The following TRMT1L variants were observed in gnomAD, a reference collection of about 807,000 sequenced individuals.
TRMT1L encodes tRNA methyltransferase 1L, also known as tRNA (guanine(27)-N(2))-dimethyltransferase.
A neutral mutation model predicts 81.6 loss-of-function variants in TRMT1L; 28 were observed. The ratio of observed to expected loss-of-function variants is 0.34; its 90% confidence interval spans 0.25 to 0.47. The LOEUF is 0.47. Ranked by LOEUF, TRMT1L falls within the 20% of genes least tolerant of loss-of-function variation. The pLI is 1.00. For missense variants in TRMT1L, 739 were observed against 877.1 expected (o/e 0.84, Z 1.99); for synonymous variants, 301 against 303.2 (o/e 0.99, Z 0.07).
intron 10 of TRMT1L, among the ~76,000 whole-genome samples, chr1:185,134,769 A>T (rs1652855836): frequency 1.3e-5 from 2 of 152,244 alleles, no homozygotes; most frequent in South Asian, 4.1e-4. Context: ...GGCAAAGAAA[A>T]GCTTTGAACA....
intron 1 of TRMT1L, among the ~76,000 whole-genome samples, chr1:185,153,276 A>C (rs764895926): frequency 9.9e-5 from 15 of 152,208 alleles, no homozygotes; most frequent in Non-Finnish European, 2.1e-4. Flanking sequence ...GGTAGGGGAT[A>C]CATTCCCTAC....
chr1:185,156,376 C>T (rs1653564761), intron 1 of TRMT1L, 102 bp downstream of exon 1: 4 of 1,611,524 alleles, frequency 2.5e-6, no homozygotes, highest in Non-Finnish European at 3.4e-6. Flanking sequence ...CTAAACCTGC[C>T]TTGCCCCATA....
At chr1:185,126,804 C>A (rs1652642289) in intron 11 of TRMT1L, among the ~76,000 whole-genome samples, 1 of 152,084 alleles carries the variant, frequency 6.6e-6, no homozygotes, top group Non-Finnish European at 1.5e-5. Flanking sequence ...CAAGACCAGC[C>A]TGGCCAACAT....
chr1:185,143,387 A>C lies in TRMT1L; in HGVS notation c.829T>G (p.Leu277Val), dbSNP rs1653101067. The C allele has an allele frequency of 3.7e-6, 6 of 1,610,664 alleles. No homozygotes were observed. Among genetic ancestry groups the C allele is most frequent in the Non-Finnish European group, 5.1e-6 (6 of 1,178,092 alleles). The change falls in exon 7 of 15, where the codon TTG becomes GTG. Residue 277 changes from leucine to valine, a missense_variant. Leu to Val is a conservative substitution (Grantham distance 32). This residue lies in a region of TRMT1L where 331 missense variants were observed against 462.2 expected (regional missense o/e 0.72). Coordinates refer to ENST00000367506, the MANE Select transcript of TRMT1L (RefSeq NM_030934.5). ...GCTCCAAAAGCATCTAGACATTCCAAAGGTTTTCGTTCCTCAGCCAAAGCA... is the reference window on the plus strand; with the variant it reads ...GCTCCAAAAGCATCTAGACATTCCACAGGTTTTCGTTCCTCAGCCAAAGCA... ...LAALAEERKP[L>V]ECLDAFGATG...
intron 11 of TRMT1L, among the ~76,000 whole-genome samples, chr1:185,126,119 C>G (rs1379430471): frequency 6.6e-6 from 1 of 151,962 alleles, no homozygotes; most frequent in Non-Finnish European, 1.5e-5. Flanking sequence ...TATTAAGAGA[C>G]AGGGTCTCAC....
Position 185,120,223 on chromosome 1 carries a change from G to A in TRMT1L, c.1998C>T (p.Ser666=). Residue 666 remains serine (S), a synonymous_variant, in exon 15 of 15, where the codon AGC becomes AGT. Coordinates refer to ENST00000367506, the MANE Select transcript of TRMT1L (RefSeq NM_030934.5). ...CYLSQAGFRV[S]RTHFDPMGVR... is the part of the protein sequence containing the mutation. ...CACCCATTGGGTCAAAATGAGTTCG[G>A]CTTACTCGAAAGCCTGCTTGAGATA... 1 of 1,601,890 alleles carries A rather than the reference G, an allele frequency of 6.2e-7. No individual in the cohort carries two copies. The highest frequency in any genetic ancestry group is 8.5e-7 in the Non-Finnish European group (1 of 1,172,432).
chr1:185,150,042 T>C (rs543997058), intron 3 of TRMT1L, among the ~76,000 whole-genome samples: 1 of 152,316 alleles, frequency 6.6e-6, no homozygotes, highest in Admixed American at 6.5e-5. Context: ...TTTATTTTCT[T>C]ATTTTACTAC....
At chr1:185,125,151 T>A (rs757364892) in intron 11 of TRMT1L, 41 bp from the exon 12 acceptor site, 2 of 1,462,662 alleles carry the variant, frequency 1.4e-6, no homozygotes, top group East Asian at 2.4e-5. Context: ...GTTTGAAAAA[T>A]GTTTCTCTTT....
At chr1:185,155,079 T>C (rs1653457876) in intron 1 of TRMT1L, among the ~76,000 whole-genome samples, 1 of 152,268 alleles carries the variant, frequency 6.6e-6, no homozygotes, top group South Asian at 2.1e-4. Context: ...CATTTCAGAC[T>C]TCTCAATCAT....
chr1:185,120,158 A>C lies in TRMT1L; in HGVS notation c.2063T>G (p.Leu688Arg). The C allele has an allele frequency of 6.2e-7, 1 of 1,614,004 alleles. No homozygotes were observed. The highest frequency in any genetic ancestry group is 8.5e-7 in the Non-Finnish European group (1 of 1,179,936). ...DAPLMQFKSI[L>R]LKYSTPTYTG... ...GTAGGTGGGGGTGCTGTACTTTAAA[A>C]GGATAGATTTAAACTGCATCAGAGG... The change falls in exon 15 of 15, where the codon CTT becomes CGT. Residue 688 changes from leucine to arginine, a missense_variant. Around this residue, in one of 4 missense-constraint regions of TRMT1L, gnomAD observed 196 missense variants for 232.6 expected, o/e 0.84. Transcript: ENST00000367506.
At chr1:185,122,478 C>G (rs1200842112) in intron 13 of TRMT1L, among the ~76,000 whole-genome samples, 1 of 152,038 alleles carries the variant, frequency 6.6e-6, no homozygotes, top group Non-Finnish European at 1.5e-5. Flanking sequence ...CTCACACAAT[C>G]CTTACACTAT....
At chr1:185,157,392 G>T (rs1653685620), upstream of TRMT1L, 1 of 152,658 alleles carries the variant, frequency 6.6e-6, no homozygotes, top group African/African-American at 2.4e-5. Flanking sequence ...CTGGCGGGCG[G>T]GCGGCCGGCC....
At chr1:185,135,156 T>C (rs1418508646) in intron 10 of TRMT1L, among the ~76,000 whole-genome samples, 2 of 152,102 alleles carry the variant, frequency 1.3e-5, no homozygotes, top group African/African-American at 4.8e-5. Context: ...TGGCTCACGC[T>C]TGTAATCCTA....
At chr1:185,124,721 A>G (rs920559785) in intron 12 of TRMT1L, 3 of 295,126 alleles carry the variant, frequency 1.0e-5, no homozygotes, top group Non-Finnish European at 1.8e-5. Context: ...AAAACCAACA[A>G]CACTATTCAT....
rs1158178276 is a variant in TRMT1L at position 185,147,242 on chromosome 1, G to A, written c.465C>T (p.Tyr155=). The change falls in exon 4 of 15, where the codon TAC becomes TAT. Residue 155 remains tyrosine, a synonymous_variant. Transcript: ENST00000367506. ...AAGGTAAGTGACAGATGCACATCCT[G>A]TAACCTAAAATAAAGAATGGCTGGT... ...HWKVSVEFEG[Y]RMCICHLPCR... is the part of the protein sequence containing the mutation. The A allele has an allele frequency of 1.2e-6, 2 of 1,603,718 alleles. No individual in the cohort carries two copies. The highest frequency in any genetic ancestry group is 1.7e-6 in the Non-Finnish European group (2 of 1,173,628).
chr1:185,155,273 C>G (rs1653468728), intron 1 of TRMT1L, among the ~76,000 whole-genome samples: 1 of 152,308 alleles, frequency 6.6e-6, no homozygotes, highest in Non-Finnish European at 1.5e-5. Context: ...CTAATATAAA[C>G]AAATACAACT....
chr1:185,124,161 A>C (rs1286557013), intron 12 of TRMT1L, among the ~76,000 whole-genome samples: 1 of 152,160 alleles, frequency 6.6e-6, no homozygotes, highest in Non-Finnish European at 1.5e-5. Context: ...TACAACTACA[A>C]AATTGGCTGT....
chr1:185,139,861 G>T, intron 8 of TRMT1L, 112 bp downstream of exon 8: 2 of 1,236,230 alleles, frequency 1.6e-6, no homozygotes, highest in South Asian at 1.6e-5. Context: ...TCAAAAAATG[G>T]CATTAATTTA....
At chr1:185,146,880 GA>G (rs796720180) in intron 4 of TRMT1L, among the ~76,000 whole-genome samples, 1 of 151,816 alleles carries the variant, frequency 6.6e-6, no homozygotes, top group Non-Finnish European at 1.5e-5. Flanking sequence ...AATTTTAAGA[GA>G]AAAAACTACT....
Sources: allele counts gnomAD v4.1 joint callset (sites outside exome capture counted in the v4.1 genomes callset), GRCh38; gene constraint gnomAD v4.1.1; regional missense constraint gnomAD v4.1.1; transcripts MANE v1.5; gene names NCBI Gene and HGNC (gene_info 2026-07-23, HGNC 2026-07-21).